Variants in FAM193A observed in about 807,000 individuals in gnomAD.
FAM193A encodes family with sequence similarity 193 member A.
In FAM193A, 22 loss-of-function variants were observed where a neutral mutation model predicts 126.5. The ratio of observed to expected loss-of-function variants is 0.17; its 90% CI spans 0.12 to 0.25. The LOEUF is 0.25. FAM193A is among the 10% of genes least tolerant of loss of function. FAM193A has a pLI of 1.00. For missense variants in FAM193A, 1,675 were observed against 1,672.8 expected (o/e 1.00, Z -0.02); for synonymous variants, 761 against 646.8 (o/e 1.18, Z -2.68).
chr4:2,579,831 GA>G (rs762378162), intron 1 of FAM193A, among the ~76,000 whole-genome samples: 2 of 152,310 alleles, frequency 1.3e-5, no homozygotes, highest in East Asian at 1.9e-4. Context: ...CTGTTGGTGC[GA>G]GTGTAAATTA....
chr4:2,652,711 G>A (rs1220903908), intron 7 of FAM193A, among the ~76,000 whole-genome samples: 2 of 152,172 alleles, frequency 1.3e-5, no homozygotes, highest in Non-Finnish European at 2.9e-5. Flanking sequence ...ATTACAGTTT[G>A]ACATGAGATT....
chr4:2,676,958 C>T (rs1172116542), intron 13 of FAM193A, among the ~76,000 whole-genome samples: 1 of 152,032 alleles, frequency 6.6e-6, no homozygotes, highest in Non-Finnish European at 1.5e-5. Context: ...AAAAAATTTT[C>T]ATGCAGTCCA....
intron 1 of FAM193A, among the ~76,000 whole-genome samples, chr4:2,590,728 A>G (rs1340536996): frequency 1.3e-5 from 2 of 151,822 alleles, no homozygotes; most frequent in South Asian, 2.1e-4. Flanking sequence ...ATGATAGTCT[A>G]TAGGAAGTGT....
At chr4:2,633,394 G>C (rs1743794236) in intron 5 of FAM193A, among the ~76,000 whole-genome samples, 1 of 151,564 alleles carries the variant, frequency 6.6e-6, no homozygotes, top group South Asian at 2.1e-4. Flanking sequence ...GCGAGACTCT[G>C]TCTCACACAC....
chr4:2,669,423 A>T (rs1713533969), intron 12 of FAM193A, among the ~76,000 whole-genome samples: 1 of 152,032 alleles, frequency 6.6e-6, no homozygotes, highest in African/African-American at 2.4e-5. Flanking sequence ...AGCCTAGCCA[A>T]CGTGGTGAAA....
chr4:2,674,516 G>T lies in FAM193A; in HGVS notation c.2331+2144G>T, dbSNP rs539190021. Among the ~76,000 whole-genome samples the T allele has an allele frequency of 2.8e-4, 42 of 152,318 alleles. 1 individual carries two copies. Among genetic ancestry groups the T allele is most frequent in the African/African-American group, 7.7e-4 (32 of 41,562 alleles). ...CAGAAGGTGGGTGCTGAACGTGGAG[G>T]GGGCCTTGTGTACTGTGTCTGCCAT... On this transcript the variant is annotated intron_variant, in intron 13 of 20. Transcript: ENST00000637812.
intron 1 of FAM193A, among the ~76,000 whole-genome samples, chr4:2,557,576 T>C (rs1738335223): frequency 6.6e-6 from 1 of 152,186 alleles, no homozygotes; most frequent in Non-Finnish European, 1.5e-5. Flanking sequence ...TTTTATTTTC[T>C]TCAAAGGATT....
intron 5 of FAM193A, among the ~76,000 whole-genome samples, chr4:2,634,731 AG>A (rs776641388): frequency 2.0e-5 from 3 of 152,228 alleles, no homozygotes; most frequent in African/African-American, 4.8e-5. Flanking sequence ...AGATTTCCCA[AG>A]TAAGATGTTG....
chr4:2,624,424 G>T (rs556389948), intron 2 of FAM193A, among the ~76,000 whole-genome samples: 4 of 152,216 alleles, frequency 2.6e-5, no homozygotes, highest in African/African-American at 9.6e-5. Context: ...GATTATAGGC[G>T]TGAGCCACTG....
intron 13 of FAM193A, among the ~76,000 whole-genome samples, chr4:2,680,588 C>T (rs1230080110): frequency 2.0e-5 from 3 of 152,074 alleles, no homozygotes; most frequent in African/African-American, 7.2e-5. Flanking sequence ...CCTACTACCT[C>T]AGCCTCCCAA....
intron 19 of FAM193A, among the ~76,000 whole-genome samples, chr4:2,708,768 TGTTA>T (rs1263773763): frequency 6.6e-6 from 1 of 152,196 alleles, no homozygotes; most frequent in Admixed American, 6.6e-5. Context: ...CCTGCCTGTA[TGTTA>T]ACTTTATATA....
chr4:2,725,991 C>G (rs749605865), intron 20 of FAM193A, among the ~76,000 whole-genome samples: 3 of 151,696 alleles, frequency 2.0e-5, no homozygotes, highest in Non-Finnish European at 4.4e-5. Flanking sequence ...CTCCGCCTCC[C>G]AAGTTCACGC....
At chr4:2,598,555 A>T (rs1001041282) in intron 2 of FAM193A, among the ~76,000 whole-genome samples, 1 of 152,216 alleles carries the variant, frequency 6.6e-6, no homozygotes, top group East Asian at 1.9e-4. Flanking sequence ...GGGGTCTCAT[A>T]AAATGAGTTA....
intron 5 of FAM193A, among the ~76,000 whole-genome samples, chr4:2,635,170 G>A (rs574482832): frequency 1.3e-5 from 2 of 152,254 alleles, no homozygotes; most frequent in East Asian, 1.9e-4. Flanking sequence ...TTTTATGGTT[G>A]GGTTATTCCA....
At chr4:2,700,914 A>C (rs1375829348) in intron 19 of FAM193A, among the ~76,000 whole-genome samples, 1 of 152,126 alleles carries the variant, frequency 6.6e-6, no homozygotes, top group African/African-American at 2.4e-5. Flanking sequence ...GCAGTGAGCC[A>C]AGATCATGCC....
At chr4:2,608,388 A>G (rs1315484607) in intron 2 of FAM193A, among the ~76,000 whole-genome samples, 1 of 152,090 alleles carries the variant, frequency 6.6e-6, no homozygotes, top group Non-Finnish European at 1.5e-5. Flanking sequence ...CATGTTGCTC[A>G]GGCTGGTCTC....
At chr4:2,622,332 G>A (rs998158351) in intron 2 of FAM193A, among the ~76,000 whole-genome samples, 3 of 149,304 alleles carry the variant, frequency 2.0e-5, no homozygotes, top group Non-Finnish European at 4.4e-5. Context: ...CTCATGTTAA[G>A]TGATGGCAGG....
At chr4:2,546,995 G>A (rs1456264607) in intron 1 of FAM193A, among the ~76,000 whole-genome samples, 1 of 152,140 alleles carries the variant, frequency 6.6e-6, no homozygotes, top group Non-Finnish European at 1.5e-5. Flanking sequence ...TGTTGCCCAA[G>A]CTGGTCTCAA....
chr4:2,710,907 A>G (rs1204236971), intron 19 of FAM193A, among the ~76,000 whole-genome samples: 2 of 140,406 alleles, frequency 1.4e-5, no homozygotes, highest in African/African-American at 5.4e-5. Context: ...GCTGGAGTGC[A>G]GTGGTGTGAT....
Sources: allele counts gnomAD v4.1 joint callset (sites outside exome capture counted in the v4.1 genomes callset), GRCh38; gene constraint gnomAD v4.1.1; transcripts MANE v1.5; gene names NCBI Gene and HGNC (gene_info 2026-07-23, HGNC 2026-07-21).